Variants in ANKRD13A observed in about 807,000 individuals in gnomAD.
ANKRD13A encodes ankyrin repeat domain-containing protein 13A.
Under a neutral mutation model 81.3 loss-of-function variants are expected in ANKRD13A, and 48 were observed. The observed-to-expected ratio is 0.59, with a 90% CI of 0.47 to 0.75. ANKRD13A has a LOEUF of 0.75. Ranked by LOEUF, ANKRD13A falls within the 30% of genes least tolerant of loss-of-function variation. The pLI, the probability that ANKRD13A is intolerant of heterozygous loss-of-function variation, is 0.00. For synonymous variants in ANKRD13A, 230 were observed against 270.1 expected (o/e 0.85, Z 1.45); for missense variants, 612 against 734.0 (o/e 0.83, Z 1.92).
intron 6 of ANKRD13A, among the ~76,000 whole-genome samples, chr12:110,019,977 G>T (rs959919283): frequency 3.9e-5 from 6 of 152,198 alleles, no homozygotes; most frequent in Non-Finnish European, 8.8e-5. Flanking sequence ...TTGAGTAGAG[G>T]CTGTCAAAGC....
rs1892081977 is a variant in ANKRD13A at position 110,036,778 on chromosome 12, C to G, written c.1577+450C>G. 6.6e-6 allele frequency among the ~76,000 whole-genome samples: 1 copy of G among 152,092 alleles called. No homozygotes were observed. The highest frequency in any genetic ancestry group is 1.5e-5 in the Non-Finnish European group (1 of 68,034). On this transcript the variant is annotated intron_variant, in intron 14 of 14. Transcript: ENST00000261739. This position sits in a 1 kb window ranked among gnomAD's most constrained non-coding sequence, Gnocchi z 4.6. ...AAAAAAAAAGACTAAAGTGTTGGCT[C>G]TCTTGCTTCCTCTTGTGGCAGTTAC...
intron 1 of ANKRD13A, among the ~76,000 whole-genome samples, chr12:110,007,080 C>T (rs1172390528): frequency 6.6e-6 from 1 of 152,144 alleles, no homozygotes; most frequent in Non-Finnish European, 1.5e-5. Context: ...ATGCCAGTAC[C>T]ACGTTGTCTT....
chr12:110,019,030 G>C (rs1890938450), intron 5 of ANKRD13A, 109 bp from the exon 6 acceptor site: 1 of 1,180,922 alleles, frequency 8.5e-7, no homozygotes, highest in African/African-American at 1.5e-5. Flanking sequence ...TTACCAGATA[G>C]CACCTGGGAG....
chr12:110,018,487 A>C lies in ANKRD13A; in HGVS notation c.543A>C (p.Glu181Asp). ...RGRRSFIFKG[E>D]DNWAELMEVN... Reference sequence around the variant, plus strand: ...GGCGTAGTTTTATATTTAAGGGAGAAGGTGAGTGACTTCTCTTGTAGTAAT... The same window carrying C: ...GGCGTAGTTTTATATTTAAGGGAGACGGTGAGTGACTTCTCTTGTAGTAAT... The change falls in exon 5 of 15, where the codon GAA becomes GAC. Residue 181 changes from glutamate (E) to aspartate (D), a missense_variant and splice_region_variant. Glu to Asp is a conservative substitution (Grantham distance 45, BLOSUM62 2). Transcript: ENST00000261739. The surrounding 1 kb of genome is among the most constrained non-coding windows in gnomAD (Gnocchi z 4.4). 1.2e-6 allele frequency: 2 copies of C among 1,613,768 alleles called. No individual in the cohort carries two copies. The highest frequency in any genetic ancestry group is 1.3e-5 in the African/African-American group (1 of 75,066).
chr12:110,024,770 T>G (rs998706141), intron 7 of ANKRD13A, among the ~76,000 whole-genome samples: 1 of 152,262 alleles, frequency 6.6e-6, no homozygotes, highest in African/African-American at 2.4e-5. Flanking sequence ...CTTGTCATAG[T>G]GCTGAGTGTG....
At chr12:110,004,172 T>A (rs945551633) in intron 1 of ANKRD13A, among the ~76,000 whole-genome samples, 9 of 151,514 alleles carry the variant, frequency 5.9e-5, no homozygotes, top group East Asian at 2.0e-4. Flanking sequence ...AAAAAATAAA[T>A]TTTTTTTAAG....
chr12:110,004,182 G>A (rs1265632432), intron 1 of ANKRD13A, among the ~76,000 whole-genome samples: 1 of 151,858 alleles, frequency 6.6e-6, no homozygotes, highest in Non-Finnish European at 1.5e-5. Context: ...TTTTTTTTAA[G>A]GCTTTTGAGC....
intron 3 of ANKRD13A, 64 bp from the exon 4 acceptor site, chr12:110,016,324 C>T: frequency 1.6e-6 from 2 of 1,265,646 alleles, no homozygotes; most frequent in Non-Finnish European, 2.2e-6. Context: ...CCCTGTTAAC[C>T]CCTGCTTATG....
chr12:110,023,847 A>G, intron 6 of ANKRD13A, 199 bp from the exon 7 acceptor site: 1 of 512,692 alleles, frequency 2.0e-6, no homozygotes, highest in Non-Finnish European at 3.5e-6. Context: ...AGGCAAATTG[A>G]TTAATAACTG....
chr12:110,001,105 G>C (rs61113301), intron 1 of ANKRD13A, among the ~76,000 whole-genome samples: 16,664 of 151,158 alleles, frequency 0.11, 2,072 homozygotes, highest in African/African-American at 0.31. Flanking sequence ...AGGTATTGGT[G>C]CCCTCAAGTT....
Position 110,016,369 on chromosome 12 carries a change from A to C in ANKRD13A, c.355-19A>C. ...TAGTGCCAAGGGTAATCTGTTTTAA[A>C]CCTTTGTCTGCCCTTCAGGCTCCGG... is the stretch of plus-strand genomic sequence containing the variant. On this transcript the variant is annotated intron_variant, in intron 3 of 14. Coordinates refer to ENST00000261739, the MANE Select transcript of ANKRD13A (RefSeq NM_033121.2). 6.3e-7 allele frequency: 1 copy of C among 1,577,386 alleles called. No individual in the cohort carries two copies. The highest frequency in any genetic ancestry group is 8.6e-7 in the Non-Finnish European group (1 of 1,156,274).
Position 110,036,450 on chromosome 12 carries a change from G to C in ANKRD13A, c.1577+122G>C. ...GATGTACGGTGCCACAAACTGGCAG[G>C]AAAGACTAGAAAAAGTAGGCCAGGA... On this transcript the variant is annotated intron_variant, in intron 14 of 14. Transcript: ENST00000261739. The surrounding 1 kb of genome is among the most constrained non-coding windows in gnomAD (Gnocchi z 4.6). 9.4e-7 allele frequency: 1 copy of C among 1,069,478 alleles called. No homozygotes were observed. Among genetic ancestry groups the C allele is most frequent in the Non-Finnish European group, 1.4e-6 (1 of 695,548 alleles). The allele number at this position is 1,069,478 out of a possible 1,614,324, so 66.2% of individuals were successfully genotyped here. A position where few individuals can be genotyped will look rare whatever the true frequency, so the allele number is the denominator to read the frequency against.
Position 110,036,752 on chromosome 12 carries a change from A to C in ANKRD13A, c.1577+424A>C. 6.6e-6 allele frequency among the ~76,000 whole-genome samples: 1 copy of C among 151,996 alleles called. No homozygotes were observed. The highest frequency in any genetic ancestry group is 1.9e-4 in the East Asian group (1 of 5,184). On this transcript the variant is annotated intron_variant, in intron 14 of 14. Transcript: ENST00000261739. The surrounding 1 kb of genome is among the most constrained non-coding windows in gnomAD (Gnocchi z 4.6). ...GCGATAGAGCGAGACTCCGTCTCAA[A>C]AAAAAAAAAGACTAAAGTGTTGGCT... is the stretch of plus-strand genomic sequence containing the variant.
chr12:110,001,446 T>C lies in ANKRD13A; in HGVS notation c.96+1662T>C, dbSNP rs567379729. Among the ~76,000 whole-genome samples the C allele has an allele frequency of 3.3e-5, 5 of 151,708 alleles. No homozygotes were observed. In the South Asian group the frequency reaches 6.2e-4, roughly 19 times the overall value. ...TTTTCTTTTCTGTTTCTTTTTTTTT[T>C]TTTTTCTTTTTGAGATGGAGTCTCG... is the stretch of plus-strand genomic sequence containing the variant. On this transcript the variant is annotated intron_variant, in intron 1 of 14. Transcript: ENST00000261739.
At chr12:110,020,667 C>A (rs1476159610) in intron 6 of ANKRD13A, among the ~76,000 whole-genome samples, 3 of 152,240 alleles carry the variant, frequency 2.0e-5, no homozygotes, top group African/African-American at 7.2e-5. Flanking sequence ...GCATACCCTT[C>A]TGCAGACAGG....
chr12:110,030,434 T>C (rs558247480), intron 11 of ANKRD13A, among the ~76,000 whole-genome samples: 1 of 152,326 alleles, frequency 6.6e-6, no homozygotes, highest in East Asian at 1.9e-4. Context: ...CCCAAAGTGC[T>C]GGGATTACAG....
In ANKRD13A at chr12:110,028,613, G is replaced by A. The variant is rs760825839; in HGVS notation, c.1047G>A (p.Arg349=). 1 of 1,614,228 alleles carries A rather than the reference G, an allele frequency of 6.2e-7. No homozygotes were observed. The highest frequency in any genetic ancestry group is 2.2e-5 in the East Asian group (1 of 44,890). The change falls in exon 10 of 15, where the codon AGG becomes AGA. Residue 349 remains arginine (R), a synonymous_variant. Coordinates refer to ENST00000261739, the MANE Select transcript of ANKRD13A (RefSeq NM_033121.2). ...ATCTGAAAGACAGGGACATTGGAAG[G>A]CCGAAAGAGCTGACGATTAGAACAC... ...EFDLKDRDIG[R]PKELTIRTQK...
chr12:110,014,499 T>C (rs1001356161), intron 3 of ANKRD13A, among the ~76,000 whole-genome samples: 3 of 152,254 alleles, frequency 2.0e-5, no homozygotes, highest in Non-Finnish European at 4.4e-5. Context: ...TGCACTGAAT[T>C]GTATTCTTTG....
intron 6 of ANKRD13A, 158 bp from the exon 7 acceptor site, chr12:110,023,888 C>T: frequency 1.5e-6 from 1 of 676,300 alleles, no homozygotes; most frequent in South Asian, 2.0e-5. Context: ...CATAAGCCAT[C>T]TGTCATTGCT....
Sources: allele counts gnomAD v4.1 joint callset (sites outside exome capture counted in the v4.1 genomes callset), GRCh38; gene constraint gnomAD v4.1.1; non-coding constraint Gnocchi (gnomAD v3.1); transcripts MANE v1.5; gene names NCBI Gene and HGNC (gene_info 2026-07-23, HGNC 2026-07-21).